Variants in GPRC5B observed in about 807,000 individuals in gnomAD.
GPRC5B encodes G protein-coupled receptor family C group 5 member B.
GPRC5B carries 16 observed loss-of-function variants against 30.1 expected under a neutral mutation model. The ratio of observed to expected loss-of-function variants is 0.53; its 90% CI spans 0.36 to 0.81. GPRC5B has a LOEUF of 0.81. GPRC5B is among the 30% of genes least tolerant of loss of function. The pLI is 0.01. For synonymous variants in GPRC5B, 241 were observed against 239.5 expected (o/e 1.01, Z -0.06); for missense variants, 428 against 544.7 (o/e 0.79, Z 2.13).
rs924825783 is a variant in GPRC5B at position 19,856,888 on chromosome 16, T to A, written c.*3612A>T. The A allele has an allele frequency of 4.6e-6, 1 of 215,836 alleles. No homozygotes were observed. Among genetic ancestry groups the A allele is most frequent in the Non-Finnish European group, 9.1e-6 (1 of 110,290 alleles). 13.4% of individuals were successfully genotyped at this position (215,836 alleles called of 1,614,324 possible). ...ATACAGAAGTGCTCTTATTACCAGT[T>A]TTCCCACTTGTGGCCGCCTTTGCAA... On this transcript the variant is annotated 3_prime_UTR_variant, in exon 4 of 4. Coordinates refer to ENST00000300571, the MANE Select transcript of GPRC5B (RefSeq NM_016235.3).
Position 19,859,570 on chromosome 16 carries a change from T to A in GPRC5B, c.*930A>T, listed in dbSNP as rs1173345447. 2.0e-5 allele frequency: 3 copies of A among 152,322 alleles called. No individual in the cohort carries two copies. The highest frequency in any genetic ancestry group is 4.4e-5 in the Non-Finnish European group (3 of 68,150). The allele number at this position is 152,322 out of a possible 1,614,324, so 9.4% of individuals were successfully genotyped here. A position where few individuals can be genotyped will look rare whatever the true frequency, so the allele number is the denominator to read the frequency against. ...CATCATCGCGGAAAACCTGCCGTGG[T>A]GCCTGCCTTCCAACCTGCCTCCCGG... On this transcript the variant is annotated 3_prime_UTR_variant, in exon 4 of 4. Coordinates refer to ENST00000300571, the MANE Select transcript of GPRC5B (RefSeq NM_016235.3).
At chr16:19,885,019 AC>A, upstream of GPRC5B, 1 of 535,140 alleles carries the variant, frequency 1.9e-6, no homozygotes, top group Non-Finnish European at 2.6e-6. This position sits in a 1 kb window ranked among gnomAD's most constrained non-coding sequence, Gnocchi z 5.3. Context: ...GTCTGCATGC[AC>A]CCCCGGAGCC....
At chr16:19,884,930 C>T (rs1408210700), upstream of GPRC5B, 1 of 933,140 alleles carries the variant, frequency 1.1e-6, no homozygotes, top group Non-Finnish European at 1.3e-6. Context: ...CCCCCGCCCC[C>T]GCCCCCGGCC....
intron 2 of GPRC5B, among the ~76,000 whole-genome samples, chr16:19,867,327 G>A (rs893983092): frequency 5.9e-5 from 9 of 152,260 alleles, no homozygotes; most frequent in South Asian, 2.1e-4. Flanking sequence ...TTCAAATTCC[G>A]GCTCTGCCTC....
upstream of GPRC5B, chr16:19,885,403 G>A: frequency 2.6e-6 from 3 of 1,160,656 alleles, no homozygotes; most frequent in Non-Finnish European, 3.2e-6. This position sits in a 1 kb window ranked among gnomAD's most constrained non-coding sequence, Gnocchi z 5.3. Context: ...ACACCGCTAG[G>A]CCTCCTCCAG....
At chr16:19,880,462 T>TAAAATAAAATAAAATAAGAA (rs1364403590) in intron 1 of GPRC5B, among the ~76,000 whole-genome samples, 3 of 149,538 alleles carry the variant, frequency 2.0e-5, no homozygotes, top group African/African-American at 7.3e-5. Flanking sequence ...TAAAATAAAA[T>TAAAATAAAATAAAATAAGAA]AAGAAAAGAA....
chr16:19,869,700 C>G (rs138035074), intron 2 of GPRC5B, among the ~76,000 whole-genome samples: 1 of 152,116 alleles, frequency 6.6e-6, no homozygotes, highest in South Asian at 2.1e-4. Flanking sequence ...CCATCTCAAG[C>G]GCTCAGCAAG....
In GPRC5B at chr16:19,872,597, G is replaced by A. The variant is rs1172454732; in HGVS notation, c.249C>T (p.Phe83=). 2 of 1,613,962 alleles carry A rather than the reference G, an allele frequency of 1.2e-6. No homozygotes were observed. Among genetic ancestry groups the A allele is most frequent in the Non-Finnish European group, 1.7e-6 (2 of 1,179,952 alleles). The part of the protein sequence containing the change: ...LMLILLVRLP[F]IKEKEKKSPV... ...GGCTCTTCTTCTCCTTCTCCTTGAT[G>A]AAGGGCAGCCGCACCAGGAGGATGA... The change falls in exon 2 of 4, where the codon TTC becomes TTT. Residue 83 remains phenylalanine, a synonymous_variant. Coordinates refer to ENST00000300571, the MANE Select transcript of GPRC5B (RefSeq NM_016235.3). This position sits in a 1 kb window ranked among gnomAD's most constrained non-coding sequence, Gnocchi z 5.0.
chr16:19,881,041 G>C (rs1035040175), intron 1 of GPRC5B: 8 of 152,160 alleles, frequency 5.3e-5, no homozygotes, highest in Non-Finnish European at 1.0e-4. Flanking sequence ...GGTGGGAGTG[G>C]ATTTCCGAGC....
chr16:19,882,874 C>T (rs1303951820), intron 1 of GPRC5B, among the ~76,000 whole-genome samples: 1 of 152,182 alleles, frequency 6.6e-6, no homozygotes, highest in Non-Finnish European at 1.5e-5. Context: ...TAAGCTCATT[C>T]CCACCTCCAA....
At chr16:19,874,046 G>C (rs1360245375) in intron 1 of GPRC5B, among the ~76,000 whole-genome samples, 1 of 152,104 alleles carries the variant, frequency 6.6e-6, no homozygotes. Context: ...GCCTCCCAAA[G>C]TGCTGGAATC....
chr16:19,872,082 A>G lies in GPRC5B; in HGVS notation c.764T>C (p.Leu255Pro). 6.2e-7 allele frequency: 1 copy of G among 1,614,086 alleles called. No homozygotes were observed. The highest frequency in any genetic ancestry group is 2.2e-5 in the East Asian group (1 of 44,866). The change falls in exon 2 of 4, where the codon CTC becomes CCC. Residue 255 changes from leucine (L) to proline (P), a missense_variant. Physicochemically the swap from Leu to Pro is moderately conservative, Grantham distance 98. Transcript: ENST00000300571. The surrounding 1 kb of genome is among the most constrained non-coding windows in gnomAD (Gnocchi z 5.0). ...LIWVAWMTMYLFGNVKLQQGD... is the reference protein window; with the variant it reads ...LIWVAWMTMYPFGNVKLQQGD... ...CTGCTGCAGCTTGACATTGCCGAAGAGGTACATGGTCATCCAGGCCACCCA... is the reference window on the plus strand; with the variant it reads ...CTGCTGCAGCTTGACATTGCCGAAGGGGTACATGGTCATCCAGGCCACCCA...
Position 19,860,462 on chromosome 16 carries a change from G to T in GPRC5B, c.*38C>A, listed in dbSNP as rs772364025. 2.2e-6 allele frequency: 3 copies of T among 1,367,738 alleles called. No homozygotes were observed. Among genetic ancestry groups the T allele is most frequent in the Non-Finnish European group, 3.1e-6 (3 of 957,288 alleles). 84.7% of individuals were successfully genotyped at this position (1,367,738 alleles called of 1,614,324 possible). On this transcript the variant is annotated 3_prime_UTR_variant, in exon 4 of 4. Coordinates refer to ENST00000300571, the MANE Select transcript of GPRC5B (RefSeq NM_016235.3). ...AAAGACACAGCCAGGGAGGCAAATCGGTAAGAGAAATTCTGATTCTCTGGA... is the reference window on the plus strand; with the variant it reads ...AAAGACACAGCCAGGGAGGCAAATCTGTAAGAGAAATTCTGATTCTCTGGA...
At position 19,870,642 on chromosome 16, in the gene GPRC5B, G is replaced by A. The variant is rs541423871; in HGVS notation, c.1030+1174C>T. ...AGGAGAGGGGATGGGAGCAATCCCC[G>A]CTGTGGCCCCCTACATCCATCCAGC... On this transcript the variant is annotated intron_variant, in intron 2 of 3. Transcript: ENST00000300571. Among the ~76,000 whole-genome samples the A allele has an allele frequency of 5.3e-5, 8 of 152,344 alleles. No individual in the cohort carries two copies. The East Asian group carries it at 7.7e-4, about 15-fold the overall frequency.
At position 19,857,253 on chromosome 16, in the gene GPRC5B, A is replaced by G. The variant is rs11861066; in HGVS notation, c.*3247T>C. On this transcript the variant is annotated 3_prime_UTR_variant, in exon 4 of 4. Coordinates refer to ENST00000300571, the MANE Select transcript of GPRC5B (RefSeq NM_016235.3). ...CTCAAGGCAGATCCGAAAGCCTAGTAGTTAGTTGCACTGGGTTGTTTTGAC... is the reference window on the plus strand; with the variant it reads ...CTCAAGGCAGATCCGAAAGCCTAGTGGTTAGTTGCACTGGGTTGTTTTGAC... 5 of 317,618 alleles carry G rather than the reference A, an allele frequency of 1.6e-5. No homozygotes were observed. The highest frequency in any genetic ancestry group is 1.1e-4 in the African/African-American group (5 of 43,758). The allele number at this position is 317,618 out of a possible 1,614,324, so 19.7% of individuals were successfully genotyped here.
chr16:19,868,103 G>A (rs1057388314), intron 2 of GPRC5B, among the ~76,000 whole-genome samples: 10 of 151,410 alleles, frequency 6.6e-5, no homozygotes, highest in African/African-American at 2.2e-4. Context: ...GGCTGGGTGC[G>A]GTGGCTCATG....
chr16:19,881,213 G>A (rs192038527), intron 1 of GPRC5B, among the ~76,000 whole-genome samples: 2 of 152,276 alleles, frequency 1.3e-5, no homozygotes, highest in East Asian at 3.9e-4. Context: ...CTGAACCTCG[G>A]TCTCTTCATC....
chr16:19,875,196 C>T (rs1226767612), intron 1 of GPRC5B, among the ~76,000 whole-genome samples: 1 of 152,208 alleles, frequency 6.6e-6, no homozygotes, highest in Non-Finnish European at 1.5e-5. Context: ...GGCTCATGTC[C>T]TTTGCCTACT....
intron 1 of GPRC5B, among the ~76,000 whole-genome samples, chr16:19,884,307 T>C (rs2056833706): frequency 6.7e-6 from 1 of 148,290 alleles, no homozygotes; most frequent in African/African-American, 2.5e-5. Context: ...GCGTCTGCCC[T>C]GTCCACAGTC....
Sources: gnomAD v4.1 joint callset for allele counts (sites outside exome capture counted in the v4.1 genomes callset) on GRCh38, gnomAD v4.1.1 for gene constraint, Gnocchi (gnomAD v3.1) non-coding constraint, MANE v1.5 for transcripts, NCBI Gene and HGNC (gene_info 2026-07-23, HGNC 2026-07-21) for gene names.